DACH2: variants seen among roughly 807,000 people sequenced by gnomAD.
DACH2 encodes the protein dachshund homolog 2.
In DACH2, 17 loss-of-function variants were observed where a neutral mutation model predicts 35.8. That is an observed-to-expected ratio of 0.48 (90% CI 0.33 to 0.71). The LOEUF (loss-of-function observed/expected upper bound fraction) is 0.71, where lower values mean the gene tolerates loss of function less well. Among genes scored for constraint, DACH2 ranks in the 30% least tolerant of loss-of-function variants. The probability of loss-of-function intolerance (pLI) is 0.02; values close to 1 mark genes in which losing one functional copy is unlikely to be tolerated. For synonymous variants in DACH2, 195 were observed against 177.3 expected (o/e 1.10, Z -0.79); for missense variants, 469 against 472.7 (o/e 0.99, Z 0.07).
chrX:86,381,487 TTGA>T (rs2036045330), intron 2 of DACH2, among the ~76,000 whole-genome samples: 1 of 110,527 alleles, frequency 9.0e-6, no homozygotes, highest in South Asian at 3.8e-4. Context: ...AAACTTTCAT[TTGA>T]TGAGACAGTA....
intron 1 of DACH2, among the ~76,000 whole-genome samples, chrX:86,337,885 A>G (rs2035342118): frequency 9.0e-6 from 1 of 111,233 alleles, no homozygotes; most frequent in African/African-American, 3.3e-5. Flanking sequence ...AAGTAAATGG[A>G]AATCAAAAAA....
At chrX:86,318,801 C>T (rs1024387450) in intron 1 of DACH2, among the ~76,000 whole-genome samples, 3 of 110,982 alleles carry the variant, frequency 2.7e-5, no homozygotes, top group Non-Finnish European at 5.7e-5. Flanking sequence ...ATTTTGGGAA[C>T]CTGTTAAAGA....
At chrX:86,603,017 C>G (rs994100324) in intron 3 of DACH2, among the ~76,000 whole-genome samples, 1 of 111,183 alleles carries the variant, frequency 9.0e-6, no homozygotes, top group Non-Finnish European at 1.9e-5. Flanking sequence ...AACTTGTTGG[C>G]GTAAACAACA....
intron 1 of DACH2, among the ~76,000 whole-genome samples, chrX:86,255,243 T>G (rs1220186942): frequency 9.0e-6 from 1 of 111,612 alleles, no homozygotes; most frequent in East Asian, 2.8e-4. Flanking sequence ...GACAGTGTAG[T>G]GCCAATCTCC....
Position 86,274,517 on chromosome X carries a change from A to T in DACH2, c.489-102307A>T, listed in dbSNP as rs1450295542. ...GTTTTTTTTTTTTTTTTTTTTTGAG[A>T]CGGATCTCGCTCTGTCGCCCAGGCT... On this transcript the variant is annotated intron_variant, in intron 1 of 11. Transcript: ENST00000373125. 1.0e-3 allele frequency among the ~76,000 whole-genome samples: 2 copies of T among 1,933 alleles called. 1 individual carries two copies. The highest frequency in any genetic ancestry group is 1.4e-3 in the Non-Finnish European group (2 of 1,424). The allele number at this position is 1,933 out of a possible 115,157, so 1.7% of individuals were successfully genotyped here.
At chrX:86,808,829 A>G (rs775954113) in intron 7 of DACH2, among the ~76,000 whole-genome samples, 1 of 111,651 alleles carries the variant, frequency 9.0e-6, no homozygotes, top group East Asian at 2.8e-4. Flanking sequence ...CTTAAAGCCC[A>G]GAGGAGACAC....
intron 5 of DACH2, among the ~76,000 whole-genome samples, chrX:86,712,391 G>A (rs889504872): frequency 8.1e-5 from 9 of 111,334 alleles, no homozygotes; most frequent in South Asian, 3.7e-4. Context: ...ATACAAATGA[G>A]ATTGTACAGC....
intron 1 of DACH2, among the ~76,000 whole-genome samples, chrX:86,293,563 G>A (rs1303958221): frequency 6.3e-4 from 69 of 110,106 alleles, no homozygotes; most frequent in South Asian, 2.0e-3. Context: ...GGCTGGTACC[G>A]GTTGTTCCTT....
chrX:86,782,584 A>G (rs1001210320), intron 7 of DACH2, among the ~76,000 whole-genome samples: 3 of 111,895 alleles, frequency 2.7e-5, no homozygotes, highest in African/African-American at 9.7e-5. Flanking sequence ...CTGAATAGAA[A>G]ACCCAGAAAC....
chrX:86,334,935 A>G (rs968354769), intron 1 of DACH2, among the ~76,000 whole-genome samples: 1 of 111,884 alleles, frequency 8.9e-6, no homozygotes, highest in South Asian at 3.7e-4. Flanking sequence ...TAATTTATGT[A>G]TAAGGTATAA....
intron 1 of DACH2, among the ~76,000 whole-genome samples, chrX:86,204,624 T>C (rs1211470042): frequency 8.9e-6 from 1 of 111,900 alleles, no homozygotes; most frequent in Non-Finnish European, 1.9e-5. Flanking sequence ...TTAGGAAAAG[T>C]GGTAAATCGA....
intron 6 of DACH2, among the ~76,000 whole-genome samples, chrX:86,726,054 G>T (rs2041465403): frequency 1.8e-5 from 2 of 111,427 alleles, no homozygotes. Context: ...AAGCAAAAGT[G>T]GGGTTGTCCT....
At chrX:86,803,931 G>GCAA (rs2042318812) in intron 7 of DACH2, among the ~76,000 whole-genome samples, 1 of 111,290 alleles carries the variant, frequency 9.0e-6, no homozygotes, top group Admixed American at 9.6e-5. Context: ...CATACAGGTG[G>GCAA]CAATCTCAAG....
intron 2 of DACH2, among the ~76,000 whole-genome samples, chrX:86,462,302 A>T (rs2037588330): frequency 8.9e-6 from 1 of 111,740 alleles, no homozygotes; most frequent in Admixed American, 9.6e-5. Flanking sequence ...TATTATTGTT[A>T]GGCTAGAGCA....
chrX:86,399,788 A>G (rs1271024379), intron 2 of DACH2, among the ~76,000 whole-genome samples: 1 of 111,569 alleles, frequency 9.0e-6, no homozygotes, highest in Non-Finnish European at 1.9e-5. Context: ...GGGTAACCAG[A>G]CCTTTCTCTC....
intron 3 of DACH2, among the ~76,000 whole-genome samples, chrX:86,609,893 C>A (rs1261630116): frequency 9.0e-6 from 1 of 111,667 alleles, no homozygotes; most frequent in Non-Finnish European, 1.9e-5. Flanking sequence ...CCCCTTAAGA[C>A]TGTGCTGAAT....
intron 2 of DACH2, among the ~76,000 whole-genome samples, chrX:86,461,816 A>T (rs2148211078): frequency 8.9e-6 from 1 of 111,961 alleles, no homozygotes; most frequent in East Asian, 2.8e-4. Context: ...ATGCTATTAC[A>T]AATTCATAGA....
At chrX:86,310,355 C>A (rs1159958356) in intron 1 of DACH2, among the ~76,000 whole-genome samples, 4 of 111,621 alleles carry the variant, frequency 3.6e-5, no homozygotes, top group Non-Finnish European at 7.5e-5. Context: ...ATGGTCTTTT[C>A]ACCCCAGCCA....
At chrX:86,273,876 G>A (rs2033859178) in intron 1 of DACH2, among the ~76,000 whole-genome samples, 1 of 112,384 alleles carries the variant, frequency 8.9e-6, no homozygotes, top group Non-Finnish European at 1.9e-5. Flanking sequence ...GAAATAATAT[G>A]CTTGTTCCTT....
Sources: allele counts gnomAD v4.1 joint callset (sites outside exome capture counted in the v4.1 genomes callset), GRCh38; gene constraint gnomAD v4.1.1; transcripts MANE v1.5; gene names NCBI Gene and HGNC (gene_info 2026-07-23, HGNC 2026-07-21).